Variants in ATP8A2 observed in about 807,000 individuals in gnomAD.
ATP8A2 encodes ATPase phospholipid transporting 8A2.
A neutral mutation model predicts 165.6 loss-of-function variants in ATP8A2; 100 were observed. The ratio of observed to expected loss-of-function variants is 0.60; its 90% CI spans 0.51 to 0.71. ATP8A2 has a LOEUF of 0.71. Among genes scored for constraint, ATP8A2 ranks in the 30% least tolerant of loss-of-function variants. The probability of loss-of-function intolerance (pLI) is 0.00; values close to 1 mark genes in which losing one functional copy is unlikely to be tolerated. For missense variants in ATP8A2, 1,227 were observed against 1,479.5 expected (o/e 0.83, Z 2.80); for synonymous variants, 543 against 548.8 (o/e 0.99, Z 0.15).
rs116595259 is a variant in ATP8A2 at position 25,775,374 on chromosome 13, C to A, written c.2679+415C>A. Among the ~76,000 whole-genome samples the A allele has an allele frequency of 3.7e-3, 566 of 152,300 alleles. 3 individuals carry two copies. Among genetic ancestry groups the A allele is most frequent in the African/African-American group, 8.3e-3 (346 of 41,562 alleles). On this transcript the variant is annotated intron_variant, in intron 27 of 36. Coordinates refer to ENST00000381655, the MANE Select transcript of ATP8A2 (RefSeq NM_016529.6). ...GGTGTTGCTGGAATGAACAAGGGGG[C>A]CTGATTTCTGCCTTATTTCTCACAG...
intron 24 of ATP8A2, among the ~76,000 whole-genome samples, chr13:25,694,170 C>A (rs1250255035): frequency 6.6e-6 from 1 of 152,176 alleles, no homozygotes; most frequent in Non-Finnish European, 1.5e-5. Flanking sequence ...CAGAAATAAC[C>A]CTAACTGGAG....
intron 24 of ATP8A2, among the ~76,000 whole-genome samples, chr13:25,656,330 C>T (rs1380105366): frequency 6.6e-6 from 1 of 150,386 alleles, no homozygotes; most frequent in Non-Finnish European, 1.5e-5. Flanking sequence ...GGCTGGAGTG[C>T]AGTGGCATGA....
chr13:25,587,614 T>C (rs2039960595), intron 23 of ATP8A2, among the ~76,000 whole-genome samples: 1 of 152,258 alleles, frequency 6.6e-6, no homozygotes, highest in Admixed American at 6.5e-5. Context: ...TTTGCATTAG[T>C]TACACTAAAT....
chr13:25,695,082 A>G (rs1359201169), intron 24 of ATP8A2, among the ~76,000 whole-genome samples: 1 of 151,984 alleles, frequency 6.6e-6, no homozygotes, highest in Admixed American at 6.6e-5. Context: ...CAGATTTGGG[A>G]CCAGTCCATA....
chr13:25,589,817 G>T (rs1468529927), intron 24 of ATP8A2, 118 bp downstream of exon 24: 1 of 615,090 alleles, frequency 1.6e-6, no homozygotes, highest in Non-Finnish European at 2.8e-6. Flanking sequence ...AAAAAACTGT[G>T]TTTATTTTCT....
intron 12 of ATP8A2, among the ~76,000 whole-genome samples, chr13:25,554,521 GTGTGTGTA>G (rs772025953): frequency 0.016 from 1,435 of 87,514 alleles, 10 homozygotes; most frequent in South Asian, 0.025. Flanking sequence ...ATGTGTGTGT[GTGTGTGTA>G]TGTGTGTGTG....
chr13:26,006,961 G>T (rs1471344069), intron 35 of ATP8A2, among the ~76,000 whole-genome samples: 2 of 149,650 alleles, frequency 1.3e-5, no homozygotes, highest in African/African-American at 4.9e-5. Context: ...TAGTTTGCTA[G>T]AATTTAGTAT....
chr13:25,835,060 G>A (rs1951570879), intron 28 of ATP8A2, among the ~76,000 whole-genome samples: 1 of 151,996 alleles, frequency 6.6e-6, no homozygotes, highest in Admixed American at 6.6e-5. Context: ...ATTATAGCAT[G>A]GTGATGAAGG....
At chr13:25,459,116 A>G (rs1310936063) in intron 1 of ATP8A2, among the ~76,000 whole-genome samples, 1 of 152,122 alleles carries the variant, frequency 6.6e-6, no homozygotes, top group Non-Finnish European at 1.5e-5. Context: ...CCATGCCCCC[A>G]TCTCTACCCT....
At chr13:25,550,009 A>G (rs1003139839) in intron 10 of ATP8A2, among the ~76,000 whole-genome samples, 4 of 152,134 alleles carry the variant, frequency 2.6e-5, no homozygotes, top group Non-Finnish European at 5.9e-5. Flanking sequence ...TTGCTGTATA[A>G]AATAGCACAC....
At chr13:25,868,958 A>T (rs915914483) in intron 33 of ATP8A2, among the ~76,000 whole-genome samples, 204 of 150,990 alleles carry the variant, frequency 1.4e-3, no homozygotes, top group Non-Finnish European at 4.6e-4. Context: ...AGTCCCAGCT[A>T]CTCGGAAGGC....
chr13:25,879,773 C>A (rs762375682), intron 33 of ATP8A2, among the ~76,000 whole-genome samples: 1 of 152,206 alleles, frequency 6.6e-6, no homozygotes, highest in South Asian at 2.1e-4. Context: ...CCCACATTCT[C>A]CTGCAAATAA....
chr13:25,973,816 C>T (rs796251481), intron 35 of ATP8A2, among the ~76,000 whole-genome samples: 5 of 152,204 alleles, frequency 3.3e-5, no homozygotes, highest in Admixed American at 2.6e-4. Flanking sequence ...ACAATGACTG[C>T]GTCACTTCAG....
At chr13:25,866,441 G>C (rs908630060) in intron 33 of ATP8A2, among the ~76,000 whole-genome samples, 1 of 152,076 alleles carries the variant, frequency 6.6e-6, no homozygotes, top group Non-Finnish European at 1.5e-5. Context: ...TAAGAATATT[G>C]CTGTGATTTG....
intron 33 of ATP8A2, among the ~76,000 whole-genome samples, chr13:25,885,735 A>G (rs537936212): frequency 6.6e-6 from 1 of 152,322 alleles, no homozygotes; most frequent in South Asian, 2.1e-4. Flanking sequence ...GGGGAATTCA[A>G]TCAGAGCAGG....
chr13:25,663,148 C>A (rs903898007), intron 24 of ATP8A2, among the ~76,000 whole-genome samples: 1 of 152,200 alleles, frequency 6.6e-6, no homozygotes, highest in Non-Finnish European at 1.5e-5. Flanking sequence ...AGATCACATA[C>A]GTGGGACATG....
At chr13:25,447,242 A>G (rs1301304677) in intron 1 of ATP8A2, among the ~76,000 whole-genome samples, 2 of 152,078 alleles carry the variant, frequency 1.3e-5, no homozygotes, top group African/African-American at 2.4e-5. Context: ...TCTCACCTTA[A>G]TTGTTAAGTA....
At position 25,774,972 on chromosome 13, in the gene ATP8A2, AT is replaced by A. The variant is rs750515889; in HGVS notation, c.2679+21del. Reference sequence around the variant, plus strand: ...GTATATTATTGAGGTAAGAAGGGGTATTTTTTTTCCTTGAAGAGAAAGTTCT... The same window carrying A: ...GTATATTATTGAGGTAAGAAGGGGTATTTTTTTCCTTGAAGAGAAAGTTCT... On this transcript the variant is annotated intron_variant, in intron 27 of 36. Transcript: ENST00000381655. 9.7e-5 allele frequency: 140 copies of A among 1,438,194 alleles called. No individual in the cohort carries two copies. The highest frequency in any genetic ancestry group is 1.8e-4 in the Middle Eastern group (1 of 5,658). The allele number at this position is 1,438,194 out of a possible 1,614,324, so 89.1% of individuals were successfully genotyped here.
intron 11 of ATP8A2, among the ~76,000 whole-genome samples, chr13:25,551,869 G>A (rs2038833810): frequency 6.6e-6 from 1 of 151,674 alleles, no homozygotes. Flanking sequence ...TCTCCTGCTT[G>A]GTGCTGTCAT....
Sources: gnomAD v4.1 joint callset for allele counts (sites outside exome capture counted in the v4.1 genomes callset) on GRCh38, gnomAD v4.1.1 for gene constraint, MANE v1.5 for transcripts, NCBI Gene and HGNC (gene_info 2026-07-23, HGNC 2026-07-21) for gene names.